Variants in PDE9A observed in about 807,000 individuals in gnomAD.
The protein encoded by PDE9A is phosphodiesterase 9A.
Under a neutral mutation model 87.4 loss-of-function variants are expected in PDE9A, and 60 were observed. That is an observed-to-expected ratio of 0.69 (90% CI 0.56 to 0.85). The LOEUF is 0.85. Ranked by LOEUF, PDE9A falls within the 40% of genes least tolerant of loss-of-function variation. PDE9A has a pLI of 0.00. For synonymous variants in PDE9A, 272 were observed against 279.4 expected, an observed-to-expected ratio of 0.97 and a Z score of 0.27; for missense variants, 665 against 779.0, an observed-to-expected ratio of 0.85 and a Z score of 1.74.
intron 2 of PDE9A, among the ~76,000 whole-genome samples, chr21:42,686,975 T>C (rs756576): frequency 0.71 from 108,340 of 152,072 alleles, 40,291 homozygotes; most frequent in East Asian, 0.94. Context: ...CAACACTGGG[T>C]GAAAGGCTGA....
In PDE9A at chr21:42,745,720, G is replaced by A. The variant is rs535375253; in HGVS notation, c.653+1860G>A. Among the ~76,000 whole-genome samples the A allele has an allele frequency of 5.3e-5, 8 of 152,368 alleles. No individual in the cohort carries two copies. In the South Asian group the frequency reaches 1.7e-3, roughly 32 times the overall value. On this transcript the variant is annotated intron_variant, in intron 8 of 19. Coordinates refer to ENST00000291539, the MANE Select transcript of PDE9A (RefSeq NM_002606.3). Reference sequence around the variant, plus strand: ...GGCAGGAGGGTGGTGTTCCAGGGTGGTGCTGCCTGGCAGGGTTCCCCTCTG... The same window carrying A: ...GGCAGGAGGGTGGTGTTCCAGGGTGATGCTGCCTGGCAGGGTTCCCCTCTG...
In PDE9A at chr21:42,675,583, G is replaced by C. The variant is rs948610942; in HGVS notation, c.70-10609G>C. 6.6e-6 allele frequency among the ~76,000 whole-genome samples: 1 copy of C among 152,242 alleles called. No homozygotes were observed. The highest frequency in any genetic ancestry group is 2.4e-5 in the African/African-American group (1 of 41,462). The stretch of plus-strand genomic sequence containing the variant: ...CGCCAACCTGCTTTCCGACAGCGCT[G>C]TGTGGATACACGGGCCCGAACGGCG... On this transcript the variant is annotated intron_variant, in intron 1 of 19. Transcript: ENST00000291539. This position sits in a 1 kb window ranked among gnomAD's most constrained non-coding sequence, Gnocchi z 4.3.
At chr21:42,770,157 G>A (rs929892800) in intron 17 of PDE9A, among the ~76,000 whole-genome samples, 5 of 151,164 alleles carry the variant, frequency 3.3e-5, no homozygotes, top group East Asian at 2.0e-4. Flanking sequence ...CACACAGCTC[G>A]TTCCTGCCCA....
chr21:42,670,657 AC>A (rs2058492057), intron 1 of PDE9A, among the ~76,000 whole-genome samples: 5 of 146,998 alleles, frequency 3.4e-5, no homozygotes, highest in African/African-American at 1.1e-4. Flanking sequence ...TCATTCACAC[AC>A]ATACACACAT....
Position 42,695,657 on chromosome 21 carries a change from G to A in PDE9A, c.219-3311G>A, listed in dbSNP as rs982076844. 6.6e-6 allele frequency among the ~76,000 whole-genome samples: 1 copy of A among 152,200 alleles called. No homozygotes were observed. Among genetic ancestry groups the A allele is most frequent in the Non-Finnish European group, 1.5e-5 (1 of 68,040 alleles). On this transcript the variant is annotated intron_variant, in intron 3 of 19. Coordinates refer to ENST00000291539, the MANE Select transcript of PDE9A (RefSeq NM_002606.3). The surrounding 1 kb of genome is among the most constrained non-coding windows in gnomAD (Gnocchi z 4.3). ...AGAAAAGCTTTCTATATTCCAGAATGGCTCCAGGCCTCCTCCTCCTCCTAT... is the reference window on the plus strand; with the variant it reads ...AGAAAAGCTTTCTATATTCCAGAATAGCTCCAGGCCTCCTCCTCCTCCTAT...
At chr21:42,766,228 A>G (rs998534968) in intron 15 of PDE9A, among the ~76,000 whole-genome samples, 2 of 152,198 alleles carry the variant, frequency 1.3e-5, no homozygotes, top group African/African-American at 2.4e-5. Flanking sequence ...CTTGGGAGGC[A>G]GAGGTGGGAG....
chr21:42,654,627 T>C (rs892290083), intron 1 of PDE9A, among the ~76,000 whole-genome samples: 1 of 152,148 alleles, frequency 6.6e-6, no homozygotes, highest in African/African-American at 2.4e-5. Context: ...GCTGGGCGTT[T>C]CAGGAAGCCC....
In PDE9A at chr21:42,772,484, T is replaced by A. The variant is rs1319492891; in HGVS notation, c.1732T>A (p.Ser578Thr). 2.5e-6 allele frequency: 4 copies of A among 1,608,280 alleles called. No homozygotes were observed. Among genetic ancestry groups the A allele is most frequent in the Non-Finnish European group, 3.4e-6 (4 of 1,177,940 alleles). The change falls in exon 19 of 20, where the codon TCC (serine) becomes ACC (threonine). Residue 578 changes from serine to threonine, a missense_variant. Ser to Thr is a moderately conservative substitution (Grantham distance 58, BLOSUM62 1). Coordinates refer to ENST00000291539, the MANE Select transcript of PDE9A (RefSeq NM_002606.3). ...DSLTSGATEK[S>T]RERSRDVKNS... is the part of the protein sequence containing the mutation. ...CTTGACGTCTGGGGCCACCGAGAAG[T>A]CCAGAGAGAGAAGCAGAGATGTGAA... is the stretch of plus-strand genomic sequence containing the variant.
In PDE9A at chr21:42,739,330, G is replaced by C. The variant is rs1033789783; in HGVS notation, c.569-4446G>C. Reference sequence around the variant, plus strand: ...ACTGGCCCGCTCCTCCCTCTGGATTGAGGTGGAGCAGGGCTGGCAGTGGGT... The same window carrying C: ...ACTGGCCCGCTCCTCCCTCTGGATTCAGGTGGAGCAGGGCTGGCAGTGGGT... On this transcript the variant is annotated intron_variant, in intron 7 of 19. Coordinates refer to ENST00000291539, the MANE Select transcript of PDE9A (RefSeq NM_002606.3). This position sits in a 1 kb window ranked among gnomAD's most constrained non-coding sequence, Gnocchi z 4.1. Among the ~76,000 whole-genome samples the C allele has an allele frequency of 1.3e-5, 2 of 152,208 alleles. No individual in the cohort carries two copies. Among genetic ancestry groups the C allele is most frequent in the Non-Finnish European group, 2.9e-5 (2 of 68,030 alleles).
At chr21:42,690,597 G>A (rs1178316239) in intron 3 of PDE9A, among the ~76,000 whole-genome samples, 2 of 151,946 alleles carry the variant, frequency 1.3e-5, no homozygotes, top group Non-Finnish European at 2.9e-5. Context: ...TGGTGCCTGC[G>A]CCTCCTGCAC....
At chr21:42,731,215 C>A (rs2051700166) in intron 4 of PDE9A, among the ~76,000 whole-genome samples, 1 of 152,224 alleles carries the variant, frequency 6.6e-6, no homozygotes, top group African/African-American at 2.4e-5. Flanking sequence ...GCCTCGGCCT[C>A]CCAAAGTGCT....
Position 42,745,986 on chromosome 21 carries a change from C to T in PDE9A, c.653+2126C>T, listed in dbSNP as rs113472162. Among the ~76,000 whole-genome samples the T allele has an allele frequency of 3.2e-3, 488 of 152,374 alleles. 2 individuals carry two copies. The highest frequency in any genetic ancestry group is 7.2e-3 in the Admixed American group (110 of 15,312). The stretch of plus-strand genomic sequence containing the variant: ...TCCCGAAGCTGCCCCCAGCTCCTCA[C>T]CCACAACTGTGTGTCCCTGAGCACT... On this transcript the variant is annotated intron_variant, in intron 8 of 19. Transcript: ENST00000291539.
chr21:42,773,678 G>A (rs987934635), intron 19 of PDE9A, among the ~76,000 whole-genome samples: 1 of 151,878 alleles, frequency 6.6e-6, no homozygotes, highest in Admixed American at 6.6e-5. Context: ...GCGGGTGCCT[G>A]TAGTCCCAGC....
chr21:42,733,303 C>T, intron 6 of PDE9A, 53 bp from the exon 7 acceptor site: 1 of 1,076,024 alleles, frequency 9.3e-7, no homozygotes, highest in Non-Finnish European at 1.4e-6. Context: ...CCGGTTTTGG[C>T]TCTGAGAATT....
At position 42,775,372 on chromosome 21, in the gene PDE9A, T is replaced by G; in HGVS notation, c.*79T>G. ...ATCCTTGTGCAGGGAAGAGCTGCCC[T>G]GGGCACCTGGCACCACAAGACCATG... On this transcript the variant is annotated 3_prime_UTR_variant, in exon 20 of 20. Coordinates refer to ENST00000291539, the MANE Select transcript of PDE9A (RefSeq NM_002606.3). The G allele has an allele frequency of 8.0e-7, 1 of 1,253,348 alleles. No homozygotes were observed. Among genetic ancestry groups the G allele is most frequent in the South Asian group, 1.4e-5 (1 of 71,172 alleles). The allele number at this position is 1,253,348 out of a possible 1,614,324, so 77.6% of individuals were successfully genotyped here. A position where few individuals can be genotyped will look rare whatever the true frequency, so the allele number is the denominator to read the frequency against.
intron 7 of PDE9A, among the ~76,000 whole-genome samples, chr21:42,740,906 GACAAGTTTTTAAATAT>G (rs2053182025): frequency 6.6e-6 from 1 of 152,116 alleles, no homozygotes; most frequent in Non-Finnish European, 1.5e-5. Flanking sequence ...TAGGATCCTA[GACAAGTTTTTAAATAT>G]TATTCTTTGA....
At chr21:42,664,706 A>G (rs1005800312) in intron 1 of PDE9A, among the ~76,000 whole-genome samples, 1 of 152,180 alleles carries the variant, frequency 6.6e-6, no homozygotes, top group Non-Finnish European at 1.5e-5. Flanking sequence ...ATCCGAATGG[A>G]AGCCCCCAAG....
At chr21:42,691,736 C>T (rs1376196732) in intron 3 of PDE9A, among the ~76,000 whole-genome samples, 1 of 150,290 alleles carries the variant, frequency 6.7e-6, no homozygotes, top group Admixed American at 6.6e-5. Flanking sequence ...ATCACCAGGC[C>T]CTTCACCATC....
intron 17 of PDE9A, 114 bp downstream of exon 17, chr21:42,769,269 G>GCA: frequency 1.1e-6 from 1 of 934,496 alleles, no homozygotes; most frequent in Non-Finnish European, 1.6e-6. Context: ...ACACACTCAT[G>GCA]CACACACGTA....
Sources: allele counts gnomAD v4.1 joint callset (sites outside exome capture counted in the v4.1 genomes callset), GRCh38; gene constraint gnomAD v4.1.1; non-coding constraint Gnocchi (gnomAD v3.1); transcripts MANE v1.5; gene names NCBI Gene and HGNC (gene_info 2026-07-23, HGNC 2026-07-21).